Variants in TUSC3 observed in about 807,000 individuals in gnomAD.
TUSC3 encodes the protein tumor suppressor candidate 3, also known as dolichyl-diphosphooligosaccharide--protein glycosyltransferase subunit TUSC3.
Under a neutral mutation model 44.8 loss-of-function variants are expected in TUSC3, and 45 were observed. The ratio of observed to expected loss-of-function variants is 1.00; its 90% CI spans 0.79 to 1.29. TUSC3 has a LOEUF of 1.29. Among genes scored for constraint, TUSC3 ranks in the 50% most tolerant of loss-of-function variants. The pLI, the probability that TUSC3 is intolerant of heterozygous loss-of-function variation, is 0.00. For synonymous variants in TUSC3, 212 were observed against 152.9 expected (o/e 1.39, Z -2.85); for missense variants, 519 against 437.9 (o/e 1.19, Z -1.65).
At chr8:15,625,178 A>C (rs10103371) in intron 2 of TUSC3, among the ~76,000 whole-genome samples, 3,553 of 152,296 alleles carry the variant, frequency 0.023, 133 homozygotes, top group African/African-American at 0.081. Context: ...CTGGTCTTGC[A>C]TACAGGAATG....
the TUSC3 span, among the ~76,000 whole-genome samples, chr8:15,826,462 A>T: frequency 4.6e-5 from 7 of 152,194 alleles, no homozygotes; most frequent in Non-Finnish European, 1.0e-4. Context: ...GATATCGCAC[A>T]TTATATTAAT....
At chr8:15,428,281 C>T (rs1799830760) in intron 1 of TUSC3, among the ~76,000 whole-genome samples, 1 of 151,810 alleles carries the variant, frequency 6.6e-6, no homozygotes, top group Non-Finnish European at 1.5e-5. Flanking sequence ...CATCGATGTC[C>T]CTACAAAGGA....
At chr8:15,673,491 A>G (rs1231191805) in intron 5 of TUSC3, among the ~76,000 whole-genome samples, 1 of 152,230 alleles carries the variant, frequency 6.6e-6, no homozygotes, top group African/African-American at 2.4e-5. Flanking sequence ...GATGCTTTAC[A>G]TATGTTATCC....
the TUSC3 span, among the ~76,000 whole-genome samples, chr8:15,788,561 AAAAG>A: frequency 1.3e-5 from 2 of 151,876 alleles, no homozygotes; most frequent in Non-Finnish European, 2.9e-5. Flanking sequence ...AAAAAAAAAA[AAAAG>A]GAAGTTAAAT....
chr8:15,655,714 C>T (rs1360813148), intron 3 of TUSC3, among the ~76,000 whole-genome samples: 2 of 152,168 alleles, frequency 1.3e-5, no homozygotes, highest in Non-Finnish European at 2.9e-5. Context: ...CAAGTTGCTG[C>T]AGACCTCCAG....
intron 1 of TUSC3, among the ~76,000 whole-genome samples, chr8:15,584,307 G>T (rs1438939865): frequency 6.6e-6 from 1 of 152,130 alleles, no homozygotes; most frequent in African/African-American, 2.4e-5. Context: ...TGTTTGTTTT[G>T]TTGTTTCTTC....
Position 15,764,378 on chromosome 8 carries a change from A to G in TUSC3, c.*222A>G, listed in dbSNP as rs571116375. On this transcript the variant is annotated 3_prime_UTR_variant, in exon 11 of 11. Coordinates refer to ENST00000503731, the MANE Select transcript of TUSC3 (RefSeq NM_006765.4). ...TTCCTAGTAAATTTAATTTACAGAA[A>G]TCAATGGTAGCATTTAGTAATCTAC... 219 of 705,786 alleles carry G rather than the reference A, an allele frequency of 3.1e-4. No individual in the cohort carries two copies. Among genetic ancestry groups the G allele is most frequent in the Admixed American group, 1.1e-3 (40 of 35,396 alleles). 43.7% of individuals were successfully genotyped at this position (705,786 alleles called of 1,614,324 possible). A position where few individuals can be genotyped will look rare whatever the true frequency, so the allele number is the denominator to read the frequency against.
At chr8:15,647,078 T>C (rs1585189337) in intron 2 of TUSC3, among the ~76,000 whole-genome samples, 1 of 152,156 alleles carries the variant, frequency 6.6e-6, no homozygotes, top group East Asian at 1.9e-4. Flanking sequence ...CTGTTGGCTA[T>C]CGTTCTATAT....
chr8:15,654,276 C>G (rs1388034598), intron 3 of TUSC3, among the ~76,000 whole-genome samples: 2 of 151,868 alleles, frequency 1.3e-5, no homozygotes, highest in African/African-American at 2.4e-5. Flanking sequence ...ATGAGAGAAA[C>G]AAACATGAAC....
intron 8 of TUSC3, among the ~76,000 whole-genome samples, chr8:15,744,697 C>T (rs976228614): frequency 1.7e-5 from 2 of 117,430 alleles, no homozygotes; most frequent in Non-Finnish European, 1.8e-5. Flanking sequence ...AAAGAAACTA[C>T]AAAAGAAAGG....
intron 6 of TUSC3, among the ~76,000 whole-genome samples, chr8:15,724,087 AAGTAG>A (rs1810407757): frequency 6.6e-6 from 1 of 152,102 alleles, no homozygotes; most frequent in Non-Finnish European, 1.5e-5. Flanking sequence ...GTGGCCTTAT[AAGTAG>A]AGGAAAGTAT....
chr8:15,635,645 C>G (rs1486060333), intron 2 of TUSC3, among the ~76,000 whole-genome samples: 2 of 152,050 alleles, frequency 1.3e-5, no homozygotes, highest in Non-Finnish European at 2.9e-5. Context: ...AGTGGTAGCC[C>G]CGACAAAAGA....
chr8:15,533,668 G>A (rs1801480620), intron 2 of TUSC3, among the ~76,000 whole-genome samples: 1 of 152,200 alleles, frequency 6.6e-6, no homozygotes, highest in African/African-American at 2.4e-5. Context: ...TGATTTTGGA[G>A]AAAAAACCTG....
intron 6 of TUSC3, among the ~76,000 whole-genome samples, chr8:15,719,997 T>C (rs759797732): frequency 1.3e-5 from 2 of 151,978 alleles, no homozygotes; most frequent in Non-Finnish European, 1.5e-5. Flanking sequence ...CAGCTAACTA[T>C]AACATCAAAC....
chr8:15,845,485 C>G, the TUSC3 span, among the ~76,000 whole-genome samples: 35 of 152,268 alleles, frequency 2.3e-4, no homozygotes, highest in African/African-American at 8.4e-4. Flanking sequence ...AAAAGATTAA[C>G]AATCACTGAA....
At chr8:15,800,512 G>T in the TUSC3 span, among the ~76,000 whole-genome samples, 1 of 151,818 alleles carries the variant, frequency 6.6e-6, no homozygotes, top group African/African-American at 2.4e-5. Context: ...TGCTGAGGCT[G>T]CAGTGAGCTG....
chr8:15,648,242 A>G (rs1806716400), intron 2 of TUSC3, among the ~76,000 whole-genome samples: 2 of 152,098 alleles, frequency 1.3e-5, no homozygotes, highest in Admixed American at 1.3e-4. Context: ...GTCATATTCG[A>G]AATCTATATA....
chr8:15,575,945 A>G (rs1803084873), intron 1 of TUSC3, among the ~76,000 whole-genome samples: 1 of 146,670 alleles, frequency 6.8e-6, no homozygotes, highest in South Asian at 2.1e-4. Flanking sequence ...TATGGTTTAT[A>G]TATTCAATAA....
upstream of TUSC3, among the ~76,000 whole-genome samples, chr8:15,539,509 C>T (rs1801599984): frequency 6.6e-6 from 1 of 151,662 alleles, no homozygotes; most frequent in East Asian, 2.0e-4. Flanking sequence ...CTCCACCATG[C>T]CCGGCTACTT....
Sources: gnomAD v4.1 joint callset for allele counts (sites outside exome capture counted in the v4.1 genomes callset) on GRCh38, gnomAD v4.1.1 for gene constraint, MANE v1.5 for transcripts, NCBI Gene and HGNC (gene_info 2026-07-23, HGNC 2026-07-21) for gene names.